BTBD8: variants seen among roughly 807,000 people sequenced by gnomAD.
The protein encoded by BTBD8 is BTB/POZ domain-containing protein 8.
In BTBD8, 110 loss-of-function variants were observed where a neutral mutation model predicts 162.9. That is an observed-to-expected ratio of 0.68 (90% CI 0.58 to 0.79). The LOEUF (loss-of-function observed/expected upper bound fraction) is 0.79, where lower values mean the gene tolerates loss of function less well. Among genes scored for constraint, BTBD8 ranks in the 30% least tolerant of loss-of-function variants. The pLI is 0.00. For missense variants in BTBD8, 1,905 were observed against 2,085.4 expected (o/e 0.91, Z 1.68); for synonymous variants, 667 against 716.1 (o/e 0.93, Z 1.10).
At chr1:92,125,492 C>T (rs759156537) in intron 4 of BTBD8, 2 of 317,560 alleles carry the variant, frequency 6.3e-6, no homozygotes, top group South Asian at 3.2e-5. Context: ...GGAGGCAAAA[C>T]AAATTCACAA....
chr1:92,112,333 G>A (rs1648920641), intron 4 of BTBD8, among the ~76,000 whole-genome samples: 1 of 152,144 alleles, frequency 6.6e-6, no homozygotes, highest in Admixed American at 6.5e-5. Flanking sequence ...GAGCCTAGGT[G>A]TTTGAGGTTG....
intron 8 of BTBD8, 87 bp downstream of exon 8, chr1:92,147,355 G>A (rs560431283): frequency 2.5e-6 from 3 of 1,179,964 alleles, no homozygotes; most frequent in African/African-American, 1.5e-5. Context: ...TTTAGAGTTG[G>A]CCTGTTTTCT....
chr1:92,118,803 C>CTTTTTTTTTGTTTTTTTTTTTTTTTTTTT (rs1649111748), intron 4 of BTBD8, among the ~76,000 whole-genome samples: 1 of 95,282 alleles, frequency 1.0e-5, no homozygotes, highest in African/African-American at 4.7e-5. Context: ...TTCTTTCTTT[C>CTTTTTTTTTGTTTTTTTTTTTTTTTTTTT]TTTTTTTTTT....
In BTBD8 at chr1:92,177,251, G is replaced by A. The variant is rs1650744148; in HGVS notation, c.2058G>A (p.Gly686=). The A allele has an allele frequency of 6.4e-7, 1 of 1,551,928 alleles. No individual in the cohort carries two copies. Among genetic ancestry groups the A allele is most frequent in the African/African-American group, 1.4e-5 (1 of 73,026 alleles). The change falls in exon 14 of 18, where the codon GGG becomes GGA. Residue 686 remains glycine, a synonymous_variant. Coordinates refer to ENST00000636805, the MANE Select transcript of BTBD8 (RefSeq NM_001376131.1). ...LNGKGVRNQE[G]QISGARPKVL... ...GAAAAGGAGTGAGAAATCAGGAAGG[G>A]CAAATTTCAGGTGCCAGACCCAAGG... is the stretch of plus-strand genomic sequence containing the variant.
At chr1:92,081,009 C>G (rs754071184) in intron 1 of BTBD8, among the ~76,000 whole-genome samples, 1 of 152,210 alleles carries the variant, frequency 6.6e-6, no homozygotes, top group Non-Finnish European at 1.5e-5. Context: ...AACACAGGCA[C>G]GCTTAGTTGT....
At position 92,162,029 on chromosome 1, in the gene BTBD8, C is replaced by T. The variant is rs74944622; in HGVS notation, c.1123-4929C>T. On this transcript the variant is annotated intron_variant, in intron 9 of 17. Transcript: ENST00000636805. ...TTGTTTTCTAGTGCTGATTGTGAAC[C>T]GCTAAATACATTTCTCTAGGTTGCT... is the stretch of plus-strand genomic sequence containing the variant. Among the ~76,000 whole-genome samples, 568 of 152,232 alleles carry T rather than the reference C, an allele frequency of 3.7e-3. 3 individuals carry two copies. The highest frequency in any genetic ancestry group is 9.2e-3 in the Admixed American group (141 of 15,280).
chr1:92,160,143 G>T (rs1456805389), intron 9 of BTBD8, among the ~76,000 whole-genome samples: 2 of 151,392 alleles, frequency 1.3e-5, no homozygotes, highest in Non-Finnish European at 2.9e-5. Context: ...CTTTGATCTA[G>T]TCTGCTGTTG....
chr1:92,099,626 T>C (rs984370188), intron 2 of BTBD8, among the ~76,000 whole-genome samples: 5 of 152,216 alleles, frequency 3.3e-5, no homozygotes, highest in African/African-American at 1.2e-4. Flanking sequence ...ATTCCTGGTA[T>C]TTTATTTTTT....
At chr1:92,111,624 C>T (rs186397828) in intron 4 of BTBD8, among the ~76,000 whole-genome samples, 17 of 152,196 alleles carry the variant, frequency 1.1e-4, no homozygotes, top group Non-Finnish European at 1.9e-4. Flanking sequence ...TTAATCTCTC[C>T]AAGTTTCAAT....
At chr1:92,161,512 TAG>T (rs376141344) in intron 9 of BTBD8, among the ~76,000 whole-genome samples, 169 of 152,346 alleles carry the variant, frequency 1.1e-3, no homozygotes, top group African/African-American at 3.7e-3. Context: ...TTTCCTAATA[TAG>T]AGAGTTTCTA....
chr1:92,137,765 G>A (rs1649667949), intron 5 of BTBD8, among the ~76,000 whole-genome samples: 1 of 152,076 alleles, frequency 6.6e-6, no homozygotes, highest in African/African-American at 2.4e-5. Context: ...GAGAAATCTT[G>A]GGACTTGGGG....
At position 92,182,173 on chromosome 1, in the gene BTBD8, T is replaced by C; in HGVS notation, c.4490T>C (p.Leu1497Ser). The C allele has an allele frequency of 1.9e-6, 3 of 1,550,988 alleles. No individual in the cohort carries two copies. Among genetic ancestry groups the C allele is most frequent in the Non-Finnish European group, 2.6e-6 (3 of 1,146,662 alleles). ...TCACGAGAAAGTGAAGATAATATTTTAGAATGTAAACAAAATAAAGGCAAT... is the reference window on the plus strand; with the variant it reads ...TCACGAGAAAGTGAAGATAATATTTCAGAATGTAAACAAAATAAAGGCAAT... The part of the protein sequence containing the change: ...RFSRESEDNI[L>S]ECKQNKGNSV... The change falls in exon 17 of 18, where the codon TTA (leucine) becomes TCA (serine). Residue 1497 changes from leucine to serine, a missense_variant. Transcript: ENST00000636805.
Position 92,180,736 on chromosome 1 carries a change from A to G in BTBD8, c.3053A>G (p.Asp1018Gly). ...CRPDPQKPLN[D>G]QEKEKLALEC... ...CCTGACCCACAAAAGCCATTAAACG[A>G]TCAAGAAAAAGAGAAGTTGGCGTTA... Residue 1018 changes from aspartate (D) to glycine (G), a missense_variant, in exon 17 of 18, where the codon GAT (aspartate) becomes GGT (glycine). Physicochemically the swap from Asp to Gly is moderately conservative, Grantham distance 94 (BLOSUM62 -1). Around this residue, in one of 3 missense-constraint regions of BTBD8, gnomAD observed 1,374 missense variants for 1,442.7 expected, o/e 0.95. Transcript: ENST00000636805. 6.4e-7 allele frequency: 1 copy of G among 1,551,782 alleles called. No homozygotes were observed. The highest frequency in any genetic ancestry group is 1.2e-5 in the South Asian group (1 of 84,062).
intron 5 of BTBD8, 92 bp downstream of exon 5, chr1:92,129,868 G>A: frequency 1.9e-6 from 2 of 1,072,592 alleles, no homozygotes; most frequent in East Asian, 2.4e-5. Context: ...TTCCCTGGAT[G>A]TTCAAGGAAA....
At chr1:92,146,784 A>G (rs1649934840) in intron 7 of BTBD8, among the ~76,000 whole-genome samples, 1 of 152,094 alleles carries the variant, frequency 6.6e-6, no homozygotes, top group Non-Finnish European at 1.5e-5. Context: ...TCATGGCTTG[A>G]TAGCACATTT....
intron 3 of BTBD8, among the ~76,000 whole-genome samples, chr1:92,105,242 T>G (rs894258455): frequency 1.3e-5 from 2 of 151,720 alleles, no homozygotes; most frequent in Non-Finnish European, 2.9e-5. Context: ...CCTTATTTTT[T>G]TATTTTTTAA....
chr1:92,149,844 C>G (rs932253386), intron 9 of BTBD8, among the ~76,000 whole-genome samples: 34 of 152,110 alleles, frequency 2.2e-4, no homozygotes, highest in Non-Finnish European at 1.5e-5. Context: ...TGCAGGATAC[C>G]CATAGCGTCC....
intron 1 of BTBD8, among the ~76,000 whole-genome samples, chr1:92,084,922 A>T (rs1294373769): frequency 6.6e-6 from 1 of 152,136 alleles, no homozygotes; most frequent in East Asian, 1.9e-4. Flanking sequence ...CCACACTCAC[A>T]CATATCTTTG....
rs894853136 is a variant in BTBD8, at chr1:92,147,380, G to T, written c.1019+112G>T. On this transcript the variant is annotated intron_variant, in intron 8 of 17. Coordinates refer to ENST00000636805, the MANE Select transcript of BTBD8 (RefSeq NM_001376131.1). ...GCCTGTTTTCTTGGACACAATGTAA[G>T]TAAGTAGCTTAGTGCTAAACTAGTT... The T allele has an allele frequency of 1.0e-5, 9 of 857,264 alleles. No homozygotes were observed. The Admixed American group carries it at 2.3e-4, about 22-fold the overall frequency. 53.1% of individuals were successfully genotyped at this position (857,264 alleles called of 1,614,324 possible). A position where few individuals can be genotyped will look rare whatever the true frequency, so the allele number is the denominator to read the frequency against.
Sources: gnomAD v4.1 joint callset for allele counts (sites outside exome capture counted in the v4.1 genomes callset) on GRCh38, gnomAD v4.1.1 for gene constraint, gnomAD v4.1.1 regional missense constraint, MANE v1.5 for transcripts, NCBI Gene and HGNC (gene_info 2026-07-23, HGNC 2026-07-21) for gene names.